The following ANKDD1A variants were observed in gnomAD, a reference collection of about 807,000 sequenced individuals.
The protein encoded by ANKDD1A is ankyrin repeat and death domain-containing protein 1A.
In ANKDD1A, 59 loss-of-function variants were observed where a neutral mutation model predicts 63.5. That is an observed-to-expected ratio of 0.93 (90% CI 0.75 to 1.15). ANKDD1A has a LOEUF of 1.15. Among genes scored for constraint, ANKDD1A ranks in the 50% most tolerant of loss-of-function variants. The pLI is 0.00. For synonymous variants in ANKDD1A, 266 were observed against 263.9 expected (o/e 1.01, Z -0.08); for missense variants, 632 against 656.4 (o/e 0.96, Z 0.41).
intron 12 of ANKDD1A, 147 bp downstream of exon 12, chr15:64,944,894 AGTT>A (rs1251012556): frequency 6.6e-6 from 5 of 752,198 alleles, no homozygotes; most frequent in Admixed American, 5.7e-5. Flanking sequence ...ATGTTACCAC[AGTT>A]GTTTGTGAGG....
Position 64,930,936 on chromosome 15 carries a change from G to C in ANKDD1A, c.669+16G>C, listed in dbSNP as rs756314299. The C allele has an allele frequency of 6.2e-7, 1 of 1,606,402 alleles. No homozygotes were observed. The highest frequency in any genetic ancestry group is 1.1e-5 in the South Asian group (1 of 90,264). On this transcript the variant is annotated intron_variant, in intron 7 of 14. Coordinates refer to ENST00000319580, the MANE Select transcript of ANKDD1A (RefSeq NM_182703.6). ...GCAGAATGCGGTGAGTCACCGCCTG[G>C]GGATGGCGAGATGCATGACCCTTGC...
In ANKDD1A at chr15:64,923,558, A is replaced by G. The variant is rs532407457; in HGVS notation, c.366+1539A>G. 6.6e-5 allele frequency among the ~76,000 whole-genome samples: 10 copies of G among 152,300 alleles called. No individual in the cohort carries two copies. The East Asian group carries it at 1.5e-3, about 23-fold the overall frequency. ...ACCAGATGTAAAAGGGTTGTGGCAC[A>G]TAAGAGGTCTGTCCCATGCCATTGT... is the stretch of plus-strand genomic sequence containing the variant. On this transcript the variant is annotated intron_variant, in intron 4 of 14. Coordinates refer to ENST00000319580, the MANE Select transcript of ANKDD1A (RefSeq NM_182703.6).
chr15:64,942,709 T>C, intron 10 of ANKDD1A, 144 bp downstream of exon 10: 1 of 630,334 alleles, frequency 1.6e-6, no homozygotes. Flanking sequence ...GAAAGTAATC[T>C]AAATAGTTGC....
At chr15:64,945,607 C>CATATATATATATATAT (rs61390435) in intron 12 of ANKDD1A, among the ~76,000 whole-genome samples, 6,626 of 72,594 alleles carry the variant, frequency 0.091, 884 homozygotes, top group Non-Finnish European at 0.11. Flanking sequence ...GCATTTTCAA[C>CATATATATATATATAT]ATATATATAT....
intron 14 of ANKDD1A, chr15:64,951,419 CCT>C (rs960500950): frequency 4.0e-4 from 50 of 126,462 alleles, no homozygotes; most frequent in East Asian, 7.4e-4. Flanking sequence ...TTCTTTTCTT[CCT>C]CTTTTCTTCT....
intron 9 of ANKDD1A, among the ~76,000 whole-genome samples, chr15:64,940,435 T>TAGATAG (rs1595853972): frequency 0.025 from 3,020 of 121,962 alleles, 49 homozygotes; most frequent in Middle Eastern, 0.038. Flanking sequence ...TAGATAGATA[T>TAGATAG]ATAGATATTT....
chr15:64,942,761 A>AT (rs200984215), intron 10 of ANKDD1A, among the ~76,000 whole-genome samples, 196 bp downstream of exon 10: 4,605 of 150,646 alleles, frequency 0.031, 222 homozygotes, highest in South Asian at 0.12. Flanking sequence ...CTCTTTTGAC[A>AT]TTTGGGTGTT....
Position 64,915,270 on chromosome 15 carries a change from A to T in ANKDD1A, c.35-527A>T, listed in dbSNP as rs149616256. ...CAGTGAGACAAGATCACGCCACTGCACTCCAGCCTGGGCAACAGAGGGGTT... is the reference window on the plus strand; with the variant it reads ...CAGTGAGACAAGATCACGCCACTGCTCTCCAGCCTGGGCAACAGAGGGGTT... On this transcript the variant is annotated intron_variant, in intron 1 of 14. Coordinates refer to ENST00000319580, the MANE Select transcript of ANKDD1A (RefSeq NM_182703.6). Among the ~76,000 whole-genome samples, 883 of 152,286 alleles carry T rather than the reference A, an allele frequency of 5.8e-3. 5 individuals carry two copies. Among genetic ancestry groups the T allele is most frequent in the Admixed American group, 0.01 (160 of 15,302 alleles).
intron 4 of ANKDD1A, among the ~76,000 whole-genome samples, chr15:64,922,639 A>G (rs571349593): frequency 6.6e-6 from 1 of 152,222 alleles, no homozygotes; most frequent in South Asian, 2.1e-4. Context: ...AAAATTTAGC[A>G]TTTTTTTCTT....
At chr15:64,950,816 CCTTT>C (rs2085264553) in intron 14 of ANKDD1A, 1 of 1,046,308 alleles carries the variant, frequency 9.6e-7, no homozygotes, top group African/African-American at 1.8e-5. Context: ...AGGGACGCTA[CCTTT>C]CTTTCCCCAA....
intron 9 of ANKDD1A, among the ~76,000 whole-genome samples, chr15:64,939,042 A>G (rs1022178103): frequency 1.4e-4 from 22 of 152,298 alleles, no homozygotes; most frequent in African/African-American, 5.1e-4. Context: ...CAAAAACATC[A>G]TACTAATTAA....
chr15:64,937,223 T>TAGGGAAATAGACACCTTC (rs2085141137), intron 9 of ANKDD1A, among the ~76,000 whole-genome samples: 1 of 152,296 alleles, frequency 6.6e-6, no homozygotes, highest in African/African-American at 2.4e-5. Flanking sequence ...TACCAATATG[T>TAGGGAAATAGACACCTTC]ATAAAACTTA....
intron 9 of ANKDD1A, among the ~76,000 whole-genome samples, chr15:64,941,053 T>C (rs1350085630): frequency 2.0e-5 from 3 of 152,254 alleles, no homozygotes; most frequent in African/African-American, 7.2e-5. Context: ...TTGCCATTTC[T>C]TTATGTCTTC....
At chr15:64,953,522 T>TTCTCCTC (rs1417130639) in intron 14 of ANKDD1A, among the ~76,000 whole-genome samples, 7,916 of 130,940 alleles carry the variant, frequency 0.06, 420 homozygotes, top group African/African-American at 0.15. Flanking sequence ...CTTCTCCTTC[T>TTCTCCTC]TCCTTCTTCT....
intron 14 of ANKDD1A, among the ~76,000 whole-genome samples, chr15:64,954,668 GTC>G (rs1174418637): frequency 1.0e-5 from 1 of 98,316 alleles, no homozygotes; most frequent in Non-Finnish European, 2.2e-5. Flanking sequence ...CTTTCTTCTT[GTC>G]TCTTCTTCTT....
chr15:64,944,582 T>C, intron 11 of ANKDD1A, 70 bp from the exon 12 acceptor site: 1 of 1,420,668 alleles, frequency 7.0e-7, no homozygotes, highest in Non-Finnish European at 9.7e-7. Flanking sequence ...GGGTTTGTCC[T>C]CAGTGCTAGA....
Position 64,931,735 on chromosome 15 carries a change from A to T in ANKDD1A, c.768+150A>T, listed in dbSNP as rs975548944. 2.8e-5 allele frequency: 23 copies of T among 808,412 alleles called. No individual in the cohort carries two copies. In the African/African-American group the frequency reaches 3.4e-4, roughly 12 times the overall value. The allele number at this position is 808,412 out of a possible 1,614,324, so 50.1% of individuals were successfully genotyped here. On this transcript the variant is annotated intron_variant, in intron 8 of 14. Transcript: ENST00000319580. The stretch of plus-strand genomic sequence containing the variant: ...TCTGATCTTGGCTTCTCCACTGCTG[A>T]GCCCTGTGACCTGGAGCAAGTTACT...
At chr15:64,954,614 TTCC>T (rs1196071060) in intron 14 of ANKDD1A, among the ~76,000 whole-genome samples, 9 of 134,880 alleles carry the variant, frequency 6.7e-5, no homozygotes, top group African/African-American at 1.6e-4. Flanking sequence ...TTCCTCCTCC[TTCC>T]TCTTTTCTTC....
intron 14 of ANKDD1A, among the ~76,000 whole-genome samples, chr15:64,952,318 TTTC>T (rs2085304112): frequency 1.5e-5 from 2 of 135,996 alleles, no homozygotes; most frequent in Non-Finnish European, 3.2e-5. Context: ...GTTCTTTTTC[TTTC>T]TTCCTTCTTC....
Sources: gnomAD v4.1 joint callset for allele counts (sites outside exome capture counted in the v4.1 genomes callset) on GRCh38, gnomAD v4.1.1 for gene constraint, MANE v1.5 for transcripts, NCBI Gene and HGNC (gene_info 2026-07-23, HGNC 2026-07-21) for gene names.